The following ARHGAP28 variants were observed in gnomAD, a reference collection of about 807,000 sequenced individuals.
ARHGAP28 encodes rho GTPase-activating protein 28.
ARHGAP28 carries 56 observed loss-of-function variants against 90.7 expected under a neutral mutation model. The observed-to-expected ratio is 0.62, with a 90% CI of 0.50 to 0.77. The LOEUF is 0.77. Among genes scored for constraint, ARHGAP28 ranks in the 30% least tolerant of loss-of-function variants. The pLI is 0.00. For synonymous variants in ARHGAP28, 308 were observed against 323.3 expected (o/e 0.95, Z 0.51); for missense variants, 869 against 900.9 (o/e 0.96, Z 0.45).
intron 1 of ARHGAP28, chr18:6,790,948 C>T (rs1027716709): frequency 3.3e-5 from 5 of 152,006 alleles, no homozygotes; most frequent in African/African-American, 1.2e-4. Flanking sequence ...TTTGATATCC[C>T]ATAATGAAAT....
chr18:6,830,430 G>A (rs1325513773), intron 2 of ARHGAP28, among the ~76,000 whole-genome samples: 3 of 151,710 alleles, frequency 2.0e-5, no homozygotes, highest in African/African-American at 7.3e-5. Context: ...TGCACCCATC[G>A]ACCCTTCACC....
At chr18:6,851,731 A>G (rs561017799) in intron 4 of ARHGAP28, among the ~76,000 whole-genome samples, 2 of 152,340 alleles carry the variant, frequency 1.3e-5, no homozygotes, top group African/African-American at 4.8e-5. Flanking sequence ...AAAAGCAACA[A>G]ACTGTTGATA....
At chr18:6,855,356 A>G (rs758912143) in intron 4 of ARHGAP28, among the ~76,000 whole-genome samples, 1 of 152,180 alleles carries the variant, frequency 6.6e-6, no homozygotes, top group Non-Finnish European at 1.5e-5. Context: ...CTGAGCCCAT[A>G]AAAACCCCTG....
intron 1 of ARHGAP28, among the ~76,000 whole-genome samples, chr18:6,759,411 A>G (rs1409412571): frequency 2.6e-5 from 4 of 152,224 alleles, no homozygotes; most frequent in Admixed American, 6.5e-5. Context: ...TTTCTGTAGC[A>G]TGTAAAGTTA....
At chr18:6,849,116 G>T (rs2056889116) in intron 3 of ARHGAP28, among the ~76,000 whole-genome samples, 1 of 151,764 alleles carries the variant, frequency 6.6e-6, no homozygotes. Context: ...AAATTAGCCA[G>T]ATGCAATGGC....
At chr18:6,895,581 G>A (rs553245926) in intron 15 of ARHGAP28, among the ~76,000 whole-genome samples, 34 of 152,224 alleles carry the variant, frequency 2.2e-4, no homozygotes, top group African/African-American at 6.5e-4. Context: ...AGTAATCCTC[G>A]GCATTCCTCA....
chr18:6,802,335 C>CTTTTTTTTTTTTTTTT (rs35950139), intron 1 of ARHGAP28, among the ~76,000 whole-genome samples: 2 of 52,762 alleles, frequency 3.8e-5, no homozygotes, highest in Admixed American at 2.5e-4. Flanking sequence ...TATGGTAGTT[C>CTTTTTTTTTTTTTTTT]TTTTTTTTTT....
chr18:6,880,784 CTT>C (rs1359288440), intron 10 of ARHGAP28, among the ~76,000 whole-genome samples: 2 of 152,180 alleles, frequency 1.3e-5, no homozygotes, highest in Admixed American at 1.3e-4. Flanking sequence ...CAATACATGA[CTT>C]TTCTTATAGC....
intron 3 of ARHGAP28, 182 bp from the exon 4 acceptor site, chr18:6,850,852 G>T (rs1443863224): frequency 1.3e-6 from 2 of 1,536,412 alleles, no homozygotes; most frequent in Non-Finnish European, 1.7e-6. Context: ...CATTTATGAG[G>T]ATCAATGTAA....
rs1025299030 is a variant in ARHGAP28, at chr18:6,807,569, A to G, written c.123-17193A>G. Reference sequence around the variant, plus strand: ...CACTCTAGAGGCAAAACTCTTCTGAATACTCTATCCATGGTCTTATAAATT... The same window carrying G: ...CACTCTAGAGGCAAAACTCTTCTGAGTACTCTATCCATGGTCTTATAAATT... On this transcript the variant is annotated intron_variant, in intron 1 of 17. Transcript: ENST00000383472. Among the ~76,000 whole-genome samples, 6 of 152,204 alleles carry G rather than the reference A, an allele frequency of 3.9e-5. 1 individual carries two copies. Among genetic ancestry groups the G allele is most frequent in the Non-Finnish European group, 8.8e-5 (6 of 68,044 alleles).
Position 6,896,549 on chromosome 18 carries a change from C to T in ARHGAP28, c.1953C>T (p.Ser651=). ...GVIRVHAPLL[S]KVSMAIQLNN... Reference sequence around the variant, plus strand: ...TACGGGTCCATGCTCCACTTCTCTCCAAGGTGTCCATGGCCATTCAACTCA... The same window carrying T: ...TACGGGTCCATGCTCCACTTCTCTCTAAGGTGTCCATGGCCATTCAACTCA... Residue 651 remains serine (S), a synonymous_variant, in exon 16 of 18, where the codon TCC becomes TCT. Transcript: ENST00000383472. 1 of 1,614,146 alleles carries T rather than the reference C, an allele frequency of 6.2e-7. No individual in the cohort carries two copies. Among genetic ancestry groups the T allele is most frequent in the Non-Finnish European group, 8.5e-7 (1 of 1,180,006 alleles).
chr18:6,775,013 G>A (rs1035857532), intron 1 of ARHGAP28, among the ~76,000 whole-genome samples: 1 of 152,168 alleles, frequency 6.6e-6, no homozygotes, highest in Non-Finnish European at 1.5e-5. Flanking sequence ...TCAATAGCAC[G>A]CAGAGGCTCT....
intron 1 of ARHGAP28, among the ~76,000 whole-genome samples, chr18:6,740,573 T>G (rs1276471020): frequency 6.6e-6 from 1 of 152,186 alleles, no homozygotes; most frequent in African/African-American, 2.4e-5. Context: ...TGTTAATTTT[T>G]CAAGCTATTC....
chr18:6,807,763 G>C (rs957309529), intron 1 of ARHGAP28, among the ~76,000 whole-genome samples: 3 of 152,180 alleles, frequency 2.0e-5, no homozygotes, highest in African/African-American at 7.2e-5. Flanking sequence ...CTCCTCTGAG[G>C]AGCTCCAGAG....
At chr18:6,892,508 G>A (rs2057274020) in intron 14 of ARHGAP28, among the ~76,000 whole-genome samples, 1 of 152,126 alleles carries the variant, frequency 6.6e-6, no homozygotes, top group Non-Finnish European at 1.5e-5. Context: ...TTTAGAAACT[G>A]TTGCTTTTTC....
At chr18:6,865,393 G>A (rs2057030764) in intron 5 of ARHGAP28, among the ~76,000 whole-genome samples, 2 of 152,310 alleles carry the variant, frequency 1.3e-5, no homozygotes, top group South Asian at 4.1e-4. Context: ...GTCAGTGAAT[G>A]TGGCTTCCTT....
chr18:6,891,676 C>T (rs944463415), intron 14 of ARHGAP28, among the ~76,000 whole-genome samples: 2 of 152,104 alleles, frequency 1.3e-5, no homozygotes, highest in Non-Finnish European at 1.5e-5. Flanking sequence ...CAACCTCGAA[C>T]TCCTGGGCTC....
rs1398870216 is a variant in ARHGAP28, at chr18:6,824,742, A to C, written c.123-20A>C. ...AAAAATATAACCCGTTTTTATTCAT[A>C]GATATTATTCTTTCCTCAGAAAATC... On this transcript the variant is annotated intron_variant, in intron 1 of 17. Transcript: ENST00000383472. The C allele has an allele frequency of 1.3e-6, 2 of 1,512,850 alleles. No individual in the cohort carries two copies. Among genetic ancestry groups the C allele is most frequent in the African/African-American group, 2.8e-5 (2 of 71,674 alleles). 93.7% of individuals were successfully genotyped at this position (1,512,850 alleles called of 1,614,324 possible). A position where few individuals can be genotyped will look rare whatever the true frequency, so the allele number is the denominator to read the frequency against.
At chr18:6,868,301 G>C in intron 6 of ARHGAP28, 67 bp downstream of exon 6, 15 of 1,388,194 alleles carry the variant, frequency 1.1e-5, no homozygotes, top group Non-Finnish European at 1.5e-5. Flanking sequence ...ACTCAATACA[G>C]TTAGCAGTGA....
Sources: gnomAD v4.1 joint callset for allele counts (sites outside exome capture counted in the v4.1 genomes callset) on GRCh38, gnomAD v4.1.1 for gene constraint, MANE v1.5 for transcripts, NCBI Gene and HGNC (gene_info 2026-07-23, HGNC 2026-07-21) for gene names.